Variants in DNAH17 observed in about 807,000 individuals in gnomAD.
The protein encoded by DNAH17 is dynein axonemal heavy chain 17.
In DNAH17, 376 loss-of-function variants were observed where a neutral mutation model predicts 485.6. That is an observed-to-expected ratio of 0.77 (90% confidence interval 0.71 to 0.84). DNAH17 has a LOEUF of 0.84. Among genes scored for constraint, DNAH17 ranks in the 40% least tolerant of loss-of-function variants. DNAH17 has a pLI of 0.00. For missense variants in DNAH17, 6,370 were observed against 5,839.3 expected (o/e 1.09, Z -2.96); for synonymous variants, 3,031 against 2,405.9 (o/e 1.26, Z -7.60).
At position 78,566,641 on chromosome 17, in the gene DNAH17, G is replaced by A. The variant is rs776003164; in HGVS notation, c.1542C>T (p.Asp514=). Residue 514 remains aspartate (D), a synonymous_variant, in exon 11 of 81, where the codon GAC becomes GAT. Coordinates refer to ENST00000389840, the MANE Select transcript of DNAH17 (RefSeq NM_173628.4). ...TTGCGGAGGACTTGATACAGCTGCA[G>A]TCATCAAATCCTTGGCAAAAGATCG... The part of the protein sequence containing the change: ...LATIFCQGFD[D]CSCIKSSAKL... 3 of 1,609,742 alleles carry A rather than the reference G, an allele frequency of 1.9e-6. No individual in the cohort carries two copies. Among genetic ancestry groups the A allele is most frequent in the Non-Finnish European group, 2.5e-6 (3 of 1,178,012 alleles).
At chr17:78,516,788 G>A (rs565584929) in intron 25 of DNAH17, among the ~76,000 whole-genome samples, 7 of 151,946 alleles carry the variant, frequency 4.6e-5, no homozygotes, top group African/African-American at 1.4e-4. Context: ...CTTCTGTTAA[G>A]GCCTGGCTGT....
At chr17:78,461,288 C>T (rs770546331) in intron 58 of DNAH17, among the ~76,000 whole-genome samples, 4 of 152,190 alleles carry the variant, frequency 2.6e-5, no homozygotes, top group Non-Finnish European at 5.9e-5. Flanking sequence ...GTGAGGCTGC[C>T]GCTGTAGGCT....
At position 78,501,979 on chromosome 17, in the gene DNAH17, G is replaced by C. The variant is rs891249197; in HGVS notation, c.5191-106C>G. 9.3e-6 allele frequency: 14 copies of C among 1,502,536 alleles called. No homozygotes were observed. In the East Asian group the frequency reaches 2.7e-4, roughly 30 times the overall value. The allele number at this position is 1,502,536 out of a possible 1,614,324, so 93.1% of individuals were successfully genotyped here. ...GCATAGGGAACACCACCATGCTTTT[G>C]TTTACAGTAATGAAAAACAAGAGCG... On this transcript the variant is annotated intron_variant, in intron 33 of 80. Coordinates refer to ENST00000389840, the MANE Select transcript of DNAH17 (RefSeq NM_173628.4).
At chr17:78,493,415 C>T (rs2089945179) in intron 41 of DNAH17, among the ~76,000 whole-genome samples, 2 of 152,216 alleles carry the variant, frequency 1.3e-5, no homozygotes, top group Admixed American at 1.3e-4. Context: ...AGGAAAACTC[C>T]CCACAATCCT....
At chr17:78,574,572 C>G (rs942466073) in intron 2 of DNAH17, 141 bp downstream of exon 2, 2 of 715,450 alleles carry the variant, frequency 2.8e-6, no homozygotes, top group African/African-American at 1.8e-5. Context: ...GGACGGGGCC[C>G]GAGCGCCTGC....
rs148184120 is a variant in DNAH17, at chr17:78,504,315, T to C, written c.4956+978A>G. ...CCCGACCTCAGATGATCCGCCCACC[T>C]CGACCTCCCAAAGTGCTGGGATTAT... On this transcript the variant is annotated intron_variant, in intron 31 of 80. Transcript: ENST00000389840. Among the ~76,000 whole-genome samples the C allele has an allele frequency of 4.8e-3, 732 of 152,212 alleles. 17 individuals are homozygous for C. Among genetic ancestry groups the C allele is most frequent in the East Asian group, 0.035 (182 of 5,176 alleles).
At position 78,529,633 on chromosome 17, in the gene DNAH17, C is replaced by T. The variant is rs1030442293; in HGVS notation, c.3346G>A (p.Glu1116Lys). The T allele has an allele frequency of 3.7e-6, 6 of 1,614,014 alleles. No individual in the cohort carries two copies. The highest frequency in any genetic ancestry group is 1.7e-5 in the Admixed American group (1 of 60,030). The change falls in exon 22 of 81, where the codon GAG becomes AAG. Residue 1116 changes from glutamate (E) to lysine (K), a missense_variant. Physicochemically the swap from Glu to Lys is moderately conservative, Grantham distance 56. Coordinates refer to ENST00000389840, the MANE Select transcript of DNAH17 (RefSeq NM_173628.4). ...TCCACAAGCCCATCATAGTCCCCCT[C>T]CTTGAGGGGCTTGGTCAAGCCCATT... The part of the protein sequence containing the change: ...ARMGLTKPLK[E>K]GDYDGLVEVM...
At chr17:78,449,641 TCCCCGCCACCAC>T in intron 68 of DNAH17, 57 bp from the exon 69 acceptor site, 1 of 1,493,528 alleles carries the variant, frequency 6.7e-7, no homozygotes, top group Non-Finnish European at 9.1e-7. Flanking sequence ...CCTTCACCAC[TCCCCGCCACCAC>T]TCCCTGCCAC....
chr17:78,572,622 G>T, intron 3 of DNAH17, 79 bp downstream of exon 3: 2 of 1,296,648 alleles, frequency 1.5e-6, no homozygotes, highest in Non-Finnish European at 2.1e-6. Context: ...GGAGTGGGGT[G>T]GAGTGGGGTG....
At chr17:78,547,250 C>A (rs1026524059) in intron 16 of DNAH17, among the ~76,000 whole-genome samples, 1 of 152,172 alleles carries the variant, frequency 6.6e-6, no homozygotes, top group Non-Finnish European at 1.5e-5. Context: ...GAATAGGTTT[C>A]TCAGGAAGGG....
In DNAH17 at chr17:78,539,840, G is replaced by T; in HGVS notation, c.2573C>A (p.Pro858His). The T allele has an allele frequency of 6.2e-7, 1 of 1,610,542 alleles. No individual in the cohort carries two copies. Reference protein sequence around the residue: ...ELFRADTLSLPWKDYVIYIDD... With the variant: ...ELFRADTLSLHWKDYVIYIDD... ...AATGTAGATGACATAATCCTTCCAG[G>T]GCAGGCTCAGTGTGTCTGCCCTGAA... Residue 858 changes from proline to histidine, a missense_variant, in exon 18 of 81, where the codon CCC becomes CAC. Pro to His is a moderately conservative substitution (Grantham distance 77). Transcript: ENST00000389840.
chr17:78,423,869 C>T lies in DNAH17; in HGVS notation c.*37G>A. The T allele has an allele frequency of 6.2e-7, 1 of 1,609,376 alleles. No individual in the cohort carries two copies. The highest frequency in any genetic ancestry group is 8.5e-7 in the Non-Finnish European group (1 of 1,176,836). ...ACAGGTGAAGGGCTGAGTTGTGGTC[C>T]AGCCCCAGGGAGTGTGGGCTGTGAG... On this transcript the variant is annotated 3_prime_UTR_variant, in exon 81 of 81. Coordinates refer to ENST00000389840, the MANE Select transcript of DNAH17 (RefSeq NM_173628.4).
intron 25 of DNAH17, among the ~76,000 whole-genome samples, chr17:78,518,319 T>C (rs1296205126): frequency 6.6e-6 from 1 of 151,814 alleles, no homozygotes; most frequent in Non-Finnish European, 1.5e-5. Context: ...CGAACACTAG[T>C]CAAAAACAAT....
rs762741400 is a variant in DNAH17 at position 78,451,543 on chromosome 17, T to C, written c.10660A>G (p.Thr3554Ala). 82 of 1,613,700 alleles carry C rather than the reference T, an allele frequency of 5.1e-5. No individual in the cohort carries two copies. In the Admixed American group the frequency reaches 1.3e-3, roughly 26 times the overall value. ...AQCTLINFLV[T>A]RDGLEDQLLA... is the part of the protein sequence containing the mutation. ...AGTTGGTCCTCGAGTCCATCCCTGG[T>C]GACCAGGAAGTTGATGAGGGTGCAC... The change falls in exon 66 of 81, where the codon ACC (threonine) becomes GCC (alanine). Residue 3554 changes from threonine (T) to alanine (A), a missense_variant. Thr to Ala is a moderately conservative substitution (Grantham distance 58, BLOSUM62 0). Coordinates refer to ENST00000389840, the MANE Select transcript of DNAH17 (RefSeq NM_173628.4).
intron 54 of DNAH17, chr17:78,472,648 A>T (rs777056628): frequency 2.0e-5 from 9 of 442,324 alleles, no homozygotes; most frequent in South Asian, 6.4e-5. Context: ...TGGGGAGGGG[A>T]GCTGGGGTAG....
chr17:78,454,410 G>A, intron 64 of DNAH17, 60 bp downstream of exon 64: 1 of 1,370,368 alleles, frequency 7.3e-7, no homozygotes, highest in Non-Finnish European at 1.0e-6. Context: ...AATATGGAAT[G>A]CCTAAGGCGT....
At chr17:78,429,327 G>A in intron 75 of DNAH17, 27 bp from the exon 76 acceptor site, 1 of 1,606,106 alleles carries the variant, frequency 6.2e-7, no homozygotes, top group Non-Finnish European at 8.5e-7. Flanking sequence ...GCGGGTAGGG[G>A]AAAGTGCCCC....
At chr17:78,570,864 A>C (rs1348670463) in intron 6 of DNAH17, 84 bp downstream of exon 6, 1 of 698,034 alleles carries the variant, frequency 1.4e-6, no homozygotes, top group East Asian at 3.8e-5. Flanking sequence ...CTCAAAAAAA[A>C]AAAAAAAAAA....
At chr17:78,545,357 TA>T (rs2091730276) in intron 16 of DNAH17, among the ~76,000 whole-genome samples, 1 of 152,122 alleles carries the variant, frequency 6.6e-6, no homozygotes, top group South Asian at 2.1e-4. Flanking sequence ...ATAAGCAAAA[TA>T]CCATATACTA....
Sources: gnomAD v4.1 joint callset for allele counts (sites outside exome capture counted in the v4.1 genomes callset) on GRCh38, gnomAD v4.1.1 for gene constraint, MANE v1.5 for transcripts, NCBI Gene and HGNC (gene_info 2026-07-23, HGNC 2026-07-21) for gene names.